Variants in ACMSD observed in about 807,000 individuals in gnomAD.
ACMSD encodes aminocarboxymuconate semialdehyde decarboxylase.
Under a neutral mutation model 45.9 loss-of-function variants are expected in ACMSD, and 37 were observed. The observed-to-expected ratio is 0.81, with a 90% confidence interval of 0.62 to 1.06. ACMSD has a LOEUF of 1.06. Ranked by LOEUF, ACMSD falls within the 50% of genes least tolerant of loss-of-function variation. The probability of loss-of-function intolerance (pLI) is 0.00; values close to 1 mark genes in which losing one functional copy is unlikely to be tolerated. For missense variants in ACMSD, 434 were observed against 420.9 expected (o/e 1.03, Z -0.27); for synonymous variants, 138 against 148.8 (o/e 0.93, Z 0.53).
intron 2 of ACMSD, among the ~76,000 whole-genome samples, chr2:134,848,081 C>T (rs1687166843): frequency 1.3e-5 from 2 of 152,190 alleles, no homozygotes; most frequent in Admixed American, 1.3e-4. Flanking sequence ...GAACTCCCAA[C>T]CTCAGGTGAT....
chr2:134,899,413 C>T (rs1264140781), intron 9 of ACMSD, among the ~76,000 whole-genome samples: 4 of 151,994 alleles, frequency 2.6e-5, no homozygotes, highest in African/African-American at 9.7e-5. Context: ...ATATTACCTA[C>T]TAAATATTGT....
rs1686647885 is a variant in ACMSD, at chr2:134,838,747, T to C, written c.57+8T>C. 1.2e-6 allele frequency: 2 copies of C among 1,602,044 alleles called. No homozygotes were observed. Among genetic ancestry groups the C allele is most frequent in the African/African-American group, 1.3e-5 (1 of 74,756 alleles). On this transcript the variant is annotated splice_region_variant and intron_variant, in intron 1 of 9. Transcript: ENST00000356140. Reference sequence around the variant, plus strand: ...TGGCCAGATCTAAAAAAGGTAATGGTAATTAATTTGCTGAATTATTTCTGA... The same window carrying C: ...TGGCCAGATCTAAAAAAGGTAATGGCAATTAATTTGCTGAATTATTTCTGA...
In ACMSD at chr2:134,861,893, G is replaced by A. The variant is rs1487348536; in HGVS notation, c.200-76G>A. Reference sequence around the variant, plus strand: ...GAGTTTAGGGTGGAGGCTTGCTGCCGCTTGGCCTTGGGAAAGGAAGGAGTG... The same window carrying A: ...GAGTTTAGGGTGGAGGCTTGCTGCCACTTGGCCTTGGGAAAGGAAGGAGTG... On this transcript the variant is annotated intron_variant, in intron 3 of 9. Transcript: ENST00000356140. 7.4e-5 allele frequency: 113 copies of A among 1,536,866 alleles called. 1 individual carries two copies. The highest frequency in any genetic ancestry group is 5.7e-4 in the Admixed American group (34 of 59,882).
At chr2:134,881,742 C>T (rs1049431711) in intron 8 of ACMSD, among the ~76,000 whole-genome samples, 7 of 152,342 alleles carry the variant, frequency 4.6e-5, no homozygotes, top group Admixed American at 3.3e-4. Context: ...AATCCCAACA[C>T]TTTCGGAGGC....
chr2:134,854,952 T>C (rs1687511774), intron 2 of ACMSD, among the ~76,000 whole-genome samples: 1 of 152,212 alleles, frequency 6.6e-6, no homozygotes, highest in Non-Finnish European at 1.5e-5. Flanking sequence ...TCTGCTATAC[T>C]GGGTATTTTA....
At chr2:134,854,261 A>G (rs1279538455) in intron 2 of ACMSD, among the ~76,000 whole-genome samples, 58 of 152,178 alleles carry the variant, frequency 3.8e-4, no homozygotes, top group Non-Finnish European at 1.5e-5. Context: ...ACATTCTATG[A>G]TTGAATCTTC....
intron 8 of ACMSD, among the ~76,000 whole-genome samples, chr2:134,884,248 T>C (rs1025626018): frequency 5.3e-5 from 8 of 152,172 alleles, no homozygotes; most frequent in Non-Finnish European, 1.0e-4. Flanking sequence ...TGTTCTGCAA[T>C]GGGCATCCAA....
At chr2:134,852,881 C>T (rs1559042744) in intron 2 of ACMSD, among the ~76,000 whole-genome samples, 1 of 151,926 alleles carries the variant, frequency 6.6e-6, no homozygotes, top group Non-Finnish European at 1.5e-5. Flanking sequence ...AAATACATTT[C>T]TGGCTGGGCA....
At chr2:134,893,777 G>A (rs922556670) in intron 8 of ACMSD, among the ~76,000 whole-genome samples, 11 of 152,146 alleles carry the variant, frequency 7.2e-5, no homozygotes, top group African/African-American at 2.7e-4. Flanking sequence ...GAGAAATTAA[G>A]ACATTTCTAG....
At position 134,863,752 on chromosome 2, in the gene ACMSD, G is replaced by A. The variant is rs541880333; in HGVS notation, c.486+121G>A. The A allele has an allele frequency of 2.6e-3, 2,525 of 982,568 alleles. 6 individuals carry two copies. Among genetic ancestry groups the A allele is most frequent in the Non-Finnish European group, 3.3e-3 (2,145 of 655,166 alleles). The allele number at this position is 982,568 out of a possible 1,614,324, so 60.9% of individuals were successfully genotyped here. ...ACTGGGAGGGGAGAGCGGTGTCCACGACTTGTTTGATGTAGGTAGAAGGTG... is the reference window on the plus strand; with the variant it reads ...ACTGGGAGGGGAGAGCGGTGTCCACAACTTGTTTGATGTAGGTAGAAGGTG... On this transcript the variant is annotated intron_variant, in intron 5 of 9. Transcript: ENST00000356140.
At chr2:134,848,826 A>G (rs2104823502) in intron 2 of ACMSD, among the ~76,000 whole-genome samples, 1 of 152,238 alleles carries the variant, frequency 6.6e-6, no homozygotes, top group Non-Finnish European at 1.5e-5. Flanking sequence ...TTAGTCATGA[A>G]GTCTTTGCCC....
intron 2 of ACMSD, among the ~76,000 whole-genome samples, chr2:134,856,746 T>C (rs892765665): frequency 6.6e-6 from 1 of 152,220 alleles, no homozygotes; most frequent in Non-Finnish European, 1.5e-5. Flanking sequence ...ATCAGATATA[T>C]GGTTCACAAA....
chr2:134,883,540 C>T (rs968176118), intron 8 of ACMSD, among the ~76,000 whole-genome samples: 2 of 152,116 alleles, frequency 1.3e-5, no homozygotes, highest in Admixed American at 6.5e-5. Flanking sequence ...TTCACTCTGT[C>T]GCCCAGGCTG....
Position 134,872,646 on chromosome 2 carries a change from G to A in ACMSD, c.849+5G>A. The A allele has an allele frequency of 6.2e-7, 1 of 1,614,150 alleles. No homozygotes were observed. Among genetic ancestry groups the A allele is most frequent in the Non-Finnish European group, 8.5e-7 (1 of 1,179,992 alleles). On this transcript the variant is annotated splice_donor_5th_base_variant and intron_variant, in intron 8 of 9. Transcript: ENST00000356140. ...TTAACAGATGTCATAGGAAAGGTAA[G>A]CCCAGTCTGCCACTTGGATGGCTTA...
At chr2:134,875,292 C>A (rs10928522) in intron 8 of ACMSD, among the ~76,000 whole-genome samples, 91,660 of 152,054 alleles carry the variant, frequency 0.6, 29,683 homozygotes, top group Middle Eastern at 0.91. Flanking sequence ...ATAACTGACC[C>A]AAAAAGTGTT....
At chr2:134,868,050 A>G (rs886422062) in intron 6 of ACMSD, among the ~76,000 whole-genome samples, 2 of 152,054 alleles carry the variant, frequency 1.3e-5, no homozygotes, top group African/African-American at 4.8e-5. Flanking sequence ...TGCTACACAG[A>G]CTCCCAAAGA....
intron 2 of ACMSD, among the ~76,000 whole-genome samples, chr2:134,845,697 A>C (rs1426978449): frequency 6.6e-6 from 1 of 152,156 alleles, no homozygotes; most frequent in Non-Finnish European, 1.5e-5. Context: ...AAGCTGGAAA[A>C]ATTGAACACT....
At chr2:134,841,720 G>C (rs1237406200) in intron 1 of ACMSD, among the ~76,000 whole-genome samples, 1 of 152,170 alleles carries the variant, frequency 6.6e-6, no homozygotes, top group Non-Finnish European at 1.5e-5. Context: ...CTCCAGCAAG[G>C]CCTTACTGAC....
In ACMSD at chr2:134,863,760, T is replaced by G; in HGVS notation, c.486+129T>G. ...GGGAGAGCGGTGTCCACGACTTGTT[T>G]GATGTAGGTAGAAGGTGTGGAAATA... On this transcript the variant is annotated intron_variant, in intron 5 of 9. Coordinates refer to ENST00000356140, the MANE Select transcript of ACMSD (RefSeq NM_138326.3). The G allele has an allele frequency of 3.3e-6, 3 of 909,040 alleles. No homozygotes were observed. The South Asian group carries it at 4.7e-5, about 14-fold the overall frequency. The allele number at this position is 909,040 out of a possible 1,614,324, so 56.3% of individuals were successfully genotyped here.
Sources: gnomAD v4.1 joint callset for allele counts (sites outside exome capture counted in the v4.1 genomes callset) on GRCh38, gnomAD v4.1.1 for gene constraint, MANE v1.5 for transcripts, NCBI Gene and HGNC (gene_info 2026-07-23, HGNC 2026-07-21) for gene names.